Variants in CENPL observed in about 807,000 individuals in gnomAD.
CENPL encodes the protein interphase centromere complex protein 33.
CENPL carries 20 observed loss-of-function variants against 35.2 expected under a neutral mutation model. The ratio of observed to expected loss-of-function variants is 0.57; its 90% CI spans 0.40 to 0.83. CENPL has a LOEUF of 0.83. Among genes scored for constraint, CENPL ranks in the 40% least tolerant of loss-of-function variants. The probability of loss-of-function intolerance (pLI) is 0.00; values close to 1 mark genes in which losing one functional copy is unlikely to be tolerated. For missense variants in CENPL, 363 were observed against 395.8 expected (o/e 0.92, Z 0.70); for synonymous variants, 140 against 140.6 (o/e 1.00, Z 0.03).
At chr1:173,815,331 T>C (rs1263500102) in intron 2 of CENPL, among the ~76,000 whole-genome samples, 2 of 152,202 alleles carry the variant, frequency 1.3e-5, no homozygotes, top group Non-Finnish European at 2.9e-5. Flanking sequence ...CCCTAACTCA[T>C]TTTATGAGGC....
chr1:173,820,677 G>C (rs1651858382), intron 2 of CENPL, among the ~76,000 whole-genome samples: 1 of 152,124 alleles, frequency 6.6e-6, no homozygotes, highest in Non-Finnish European at 1.5e-5. Flanking sequence ...AAACAACTCA[G>C]TGGGTGAATG....
intron 2 of CENPL, among the ~76,000 whole-genome samples, chr1:173,819,211 G>A (rs55850069): frequency 0.055 from 8,439 of 152,184 alleles, 340 homozygotes; most frequent in Non-Finnish European, 0.08. Context: ...TCCAGCCTGG[G>A]TGACACAGCA....
In CENPL at chr1:173,800,521, T is replaced by G; in HGVS notation, c.964-2A>C. Reference sequence around the variant, plus strand: ...AATAAGGTATTTATGACACAGAATCTGCAAAAAGAAAAAGAAGGAGACATT... The same window carrying G: ...AATAAGGTATTTATGACACAGAATCGGCAAAAAGAAAAAGAAGGAGACATT... On this transcript the variant is annotated splice_acceptor_variant, in intron 5 of 5. Coordinates refer to ENST00000682279, the MANE Select transcript of CENPL (RefSeq NM_001387287.1). LOFTEE classifies it high-confidence loss of function. 7.4e-7 allele frequency: 1 copy of G among 1,347,980 alleles called. No homozygotes were observed. Among genetic ancestry groups the G allele is most frequent in the Non-Finnish European group, 1.0e-6 (1 of 957,314 alleles). 83.5% of individuals were successfully genotyped at this position (1,347,980 alleles called of 1,614,324 possible). A position where few individuals can be genotyped will look rare whatever the true frequency, so the allele number is the denominator to read the frequency against.
intron 3 of CENPL, among the ~76,000 whole-genome samples, chr1:173,810,836 GC>G (rs1249807424): frequency 6.6e-6 from 1 of 152,126 alleles, no homozygotes; most frequent in Non-Finnish European, 1.5e-5. Flanking sequence ...CAGGAGAATG[GC>G]CGCCAGGAGG....
chr1:173,818,072 G>T (rs1651590385), intron 2 of CENPL, among the ~76,000 whole-genome samples: 1 of 152,012 alleles, frequency 6.6e-6, no homozygotes, highest in Non-Finnish European at 1.5e-5. Context: ...GTTGATGGCT[G>T]CAGCAAACCA....
intron 4 of CENPL, among the ~76,000 whole-genome samples, chr1:173,805,648 G>A (rs1243368890): frequency 6.6e-6 from 1 of 152,082 alleles, no homozygotes; most frequent in Non-Finnish European, 1.5e-5. Context: ...ATCAGGTTCT[G>A]TTTGTCCTTC....
chr1:173,804,183 A>G (rs931004833), intron 4 of CENPL, among the ~76,000 whole-genome samples: 3 of 152,224 alleles, frequency 2.0e-5, no homozygotes, highest in Non-Finnish European at 4.4e-5. Context: ...ATATTTCCTA[A>G]GGCAGCACTA....
chr1:173,805,729 G>C (rs1305316378), intron 4 of CENPL, among the ~76,000 whole-genome samples: 3 of 152,070 alleles, frequency 2.0e-5, no homozygotes, highest in Non-Finnish European at 4.4e-5. Context: ...TCTTATGTTA[G>C]ACAATAAGGT....
intron 4 of CENPL, among the ~76,000 whole-genome samples, chr1:173,805,863 G>A (rs980292239): frequency 1.3e-5 from 2 of 152,048 alleles, no homozygotes; most frequent in African/African-American, 2.4e-5. Flanking sequence ...AAAAAAGACA[G>A]TATACCACTA....
At position 173,824,856 on chromosome 1, in the gene CENPL, AGAG is replaced by A. The variant is rs879324961; in HGVS notation, c.-749_-747del. The A allele has an allele frequency of 3.6e-5, 8 of 224,238 alleles. No individual in the cohort carries two copies. Among genetic ancestry groups the A allele is most frequent in the African/African-American group, 9.2e-5 (4 of 43,560 alleles). 13.9% of individuals were successfully genotyped at this position (224,238 alleles called of 1,614,324 possible). A position where few individuals can be genotyped will look rare whatever the true frequency, so the allele number is the denominator to read the frequency against. On this transcript the variant is annotated 5_prime_UTR_variant, in exon 1 of 6. Transcript: ENST00000682279. ...CGGGAGCCTCTCGAGAAGCGTGGAAAGAGGAGAAGGGCGTATACCTTGTGACCG... is the reference window on the plus strand; with the variant it reads ...CGGGAGCCTCTCGAGAAGCGTGGAAAGAGAAGGGCGTATACCTTGTGACCG...
intron 2 of CENPL, chr1:173,822,124 A>G (rs921635459): frequency 6.6e-6 from 1 of 152,184 alleles, no homozygotes; most frequent in African/African-American, 2.4e-5. Flanking sequence ...AACGTCGTCT[A>G]CACCTATTGC....
intron 4 of CENPL, among the ~76,000 whole-genome samples, chr1:173,804,736 C>T (rs561434159): frequency 3.9e-5 from 6 of 152,174 alleles, no homozygotes; most frequent in African/African-American, 1.4e-4. Context: ...ACAATCCATT[C>T]AGAACATTTA....
intron 2 of CENPL, among the ~76,000 whole-genome samples, chr1:173,812,821 G>A (rs551322003): frequency 1.1e-4 from 17 of 152,170 alleles, no homozygotes; most frequent in Non-Finnish European, 2.2e-4. Flanking sequence ...ATGGAGAATG[G>A]CTTTGATGAG....
intron 3 of CENPL, among the ~76,000 whole-genome samples, chr1:173,807,806 T>G (rs1003599873): frequency 6.6e-6 from 1 of 152,184 alleles, no homozygotes; most frequent in African/African-American, 2.4e-5. Context: ...AAGTAGCACC[T>G]GCACCCACTC....
chr1:173,804,076 GAAAC>G (rs1299748283), intron 4 of CENPL, among the ~76,000 whole-genome samples: 4 of 152,090 alleles, frequency 2.6e-5, no homozygotes, highest in Non-Finnish European at 4.4e-5. Flanking sequence ...GTAGTACCCT[GAAAC>G]AAACAAACAA....
intron 3 of CENPL, 73 bp downstream of exon 3, chr1:173,811,059 T>C (rs1229969833): frequency 5.8e-6 from 8 of 1,390,440 alleles, no homozygotes; most frequent in South Asian, 1.3e-5. Context: ...ATACTATAGT[T>C]ACAAAAATTG....
chr1:173,813,407 G>A (rs1228863613), intron 2 of CENPL, among the ~76,000 whole-genome samples: 1 of 152,172 alleles, frequency 6.6e-6, no homozygotes, highest in Admixed American at 6.5e-5. Flanking sequence ...AGGAAAAAAT[G>A]TTAAGGGCAG....
rs561911586 is a variant in CENPL, at chr1:173,800,022, G to C, written c.*426C>G. 674 of 152,860 alleles carry C rather than the reference G, an allele frequency of 4.4e-3. 4 individuals are homozygous for C. The highest frequency in any genetic ancestry group is 0.015 in the African/African-American group (634 of 41,554). 9.5% of individuals were successfully genotyped at this position (152,860 alleles called of 1,614,324 possible). On this transcript the variant is annotated 3_prime_UTR_variant, in exon 6 of 6. Transcript: ENST00000682279. ...TCATAGGCATGTGCCACCACGCCCA[G>C]CTAATTATTGTATTTTCAGTAGAGA...
chr1:173,812,385 G>A (rs1184958090), intron 2 of CENPL, among the ~76,000 whole-genome samples: 2 of 152,224 alleles, frequency 1.3e-5, no homozygotes, highest in African/African-American at 2.4e-5. Flanking sequence ...CCTGACCCCC[G>A]TGTAGCCTAA....
Sources: gnomAD v4.1 joint callset for allele counts (sites outside exome capture counted in the v4.1 genomes callset) on GRCh38, gnomAD v4.1.1 for gene constraint, MANE v1.5 for transcripts, NCBI Gene and HGNC (gene_info 2026-07-23, HGNC 2026-07-21) for gene names.